SEMA4F: variants seen among roughly 807,000 people sequenced by gnomAD.
SEMA4F encodes ssemaphorin 4F.
SEMA4F carries 51 observed loss-of-function variants against 78.4 expected under a neutral mutation model. The ratio of observed to expected loss-of-function variants is 0.65; its 90% CI spans 0.52 to 0.82. The LOEUF (loss-of-function observed/expected upper bound fraction) is 0.82, where lower values mean the gene tolerates loss of function less well. SEMA4F is among the 40% of genes least tolerant of loss of function. The pLI is 0.00. For synonymous variants in SEMA4F, 418 were observed against 408.7 expected (o/e 1.02, Z -0.27); for missense variants, 938 against 1,014.4 (o/e 0.92, Z 1.02).
intron 1 of SEMA4F, among the ~76,000 whole-genome samples, chr2:74,655,067 C>A (rs192598568): frequency 6.6e-6 from 1 of 152,306 alleles, no homozygotes; most frequent in East Asian, 1.9e-4. Context: ...TATACATCAT[C>A]CGAGCCTCTT....
In SEMA4F at chr2:74,675,516, G is replaced by A; in HGVS notation, c.1373-9G>A. The stretch of plus-strand genomic sequence containing the variant: ...ATGTAATTATTCTTGTTCCTTTCCT[G>A]TCCCCTAGAGGATGGACACCTCCAC... On this transcript the variant is annotated splice_polypyrimidine_tract_variant and intron_variant, in intron 10 of 13. Coordinates refer to ENST00000357877, the MANE Select transcript of SEMA4F (RefSeq NM_004263.5). 1.9e-6 allele frequency: 3 copies of A among 1,612,698 alleles called. No homozygotes were observed. Among genetic ancestry groups the A allele is most frequent in the Non-Finnish European group, 2.5e-6 (3 of 1,178,672 alleles).
chr2:74,667,004 T>C (rs1284359096), intron 5 of SEMA4F, among the ~76,000 whole-genome samples: 1 of 152,174 alleles, frequency 6.6e-6, no homozygotes, highest in Non-Finnish European at 1.5e-5. Context: ...ATTTTGAGTG[T>C]TTTCTTCTAC....
the SEMA4F span, among the ~76,000 whole-genome samples, chr2:74,700,184 G>T: frequency 6.9e-4 from 105 of 152,216 alleles, no homozygotes; most frequent in African/African-American, 2.4e-3. Context: ...ATTCACAGAG[G>T]GGGAGGAAAG....
chr2:74,667,565 A>G (rs528070019), intron 5 of SEMA4F, among the ~76,000 whole-genome samples: 6 of 152,288 alleles, frequency 3.9e-5, no homozygotes, highest in South Asian at 2.1e-4. Flanking sequence ...TGGTACTTCT[A>G]TTTCTTTTGG....
intron 5 of SEMA4F, among the ~76,000 whole-genome samples, chr2:74,667,630 A>G (rs947329390): frequency 2.0e-5 from 3 of 152,258 alleles, no homozygotes; most frequent in African/African-American, 7.2e-5. Flanking sequence ...CTATACTTAG[A>G]TACAATTAAG....
chr2:74,676,032 G>T (rs1685264976), intron 12 of SEMA4F, 123 bp downstream of exon 12: 1 of 1,014,780 alleles, frequency 9.9e-7, no homozygotes, highest in East Asian at 2.6e-5. Context: ...GTCTGTTAGT[G>T]TCTACATCAC....
At chr2:74,694,608 G>A in the SEMA4F span, among the ~76,000 whole-genome samples, 1 of 152,138 alleles carries the variant, frequency 6.6e-6, no homozygotes, top group Non-Finnish European at 1.5e-5. Context: ...ACTGATGCGT[G>A]GTGACATGTC....
the SEMA4F span, among the ~76,000 whole-genome samples, chr2:74,694,055 G>T: frequency 6.6e-6 from 1 of 152,148 alleles, no homozygotes; most frequent in Non-Finnish European, 1.5e-5. Context: ...ATAGACTCAG[G>T]TAAACAGAGT....
chr2:74,678,723 A>G (rs1685420281), intron 12 of SEMA4F, among the ~76,000 whole-genome samples: 2 of 152,210 alleles, frequency 1.3e-5, no homozygotes. Flanking sequence ...TTCCGGCTGG[A>G]TGACCCCAGA....
chr2:74,701,582 G>T, the SEMA4F span, among the ~76,000 whole-genome samples: 1 of 152,086 alleles, frequency 6.6e-6, no homozygotes, highest in African/African-American at 2.4e-5. Flanking sequence ...GCCATGCTCC[G>T]TGAGTCCCTC....
rs1445925367 is a variant in SEMA4F at position 74,680,216 on chromosome 2, G to C, written c.*7G>C. 1 of 1,552,706 alleles carries C rather than the reference G, an allele frequency of 6.4e-7. No individual in the cohort carries two copies. The highest frequency in any genetic ancestry group is 2.3e-5 in the East Asian group (1 of 44,076). ...TGATGAAACATCCATCTAGAGCTGG[G>C]CAAATGACCACTAGTGTATAAGTGA... On this transcript the variant is annotated 3_prime_UTR_variant, in exon 14 of 14. Coordinates refer to ENST00000357877, the MANE Select transcript of SEMA4F (RefSeq NM_004263.5).
In SEMA4F at chr2:74,680,306, C is replaced by T; in HGVS notation, c.*97C>T. 7.2e-7 allele frequency: 1 copy of T among 1,385,310 alleles called. No individual in the cohort carries two copies. The highest frequency in any genetic ancestry group is 1.4e-5 in the South Asian group (1 of 69,276). 85.8% of individuals were successfully genotyped at this position (1,385,310 alleles called of 1,614,324 possible). Reference sequence around the variant, plus strand: ...TGGGCCTGGAAGACCATCCCAGCCTCTGAGTTCTCTTTGAGTATGAGTGAT... The same window carrying T: ...TGGGCCTGGAAGACCATCCCAGCCTTTGAGTTCTCTTTGAGTATGAGTGAT... On this transcript the variant is annotated 3_prime_UTR_variant, in exon 14 of 14. Coordinates refer to ENST00000357877, the MANE Select transcript of SEMA4F (RefSeq NM_004263.5).
the SEMA4F span, among the ~76,000 whole-genome samples, chr2:74,703,609 G>A: frequency 0.28 from 43,041 of 151,858 alleles, 8,997 homozygotes; most frequent in East Asian, 0.82. Flanking sequence ...GGGAGATACC[G>A]TAACGGGCAT....
the SEMA4F span, among the ~76,000 whole-genome samples, chr2:74,695,734 A>G: frequency 6.6e-6 from 1 of 152,368 alleles, no homozygotes; most frequent in South Asian, 2.1e-4. Flanking sequence ...AGAGAAGTAC[A>G]TGGCATGGAC....
chr2:74,654,332 A>G lies in SEMA4F; in HGVS notation c.-45A>G, dbSNP rs1291513435. 10 of 1,426,194 alleles carry G rather than the reference A, an allele frequency of 7.0e-6. No individual in the cohort carries two copies. The highest frequency in any genetic ancestry group is 9.1e-6 in the Non-Finnish European group (10 of 1,096,920). 88.3% of individuals were successfully genotyped at this position (1,426,194 alleles called of 1,614,324 possible). Reference sequence around the variant, plus strand: ...GGCCAGTAGCCCCGGGGCCCTGAGCAGAGGCCGTAGCTTGCGCCGCACCCG... The same window carrying G: ...GGCCAGTAGCCCCGGGGCCCTGAGCGGAGGCCGTAGCTTGCGCCGCACCCG... On this transcript the variant is annotated 5_prime_UTR_variant, in exon 1 of 14. Coordinates refer to ENST00000357877, the MANE Select transcript of SEMA4F (RefSeq NM_004263.5).
the SEMA4F span, among the ~76,000 whole-genome samples, chr2:74,706,982 A>G: frequency 5.3e-5 from 8 of 152,306 alleles, no homozygotes; most frequent in Admixed American, 2.0e-4. Flanking sequence ...GCTACCTGGA[A>G]GCAGAACAAG....
Position 74,674,530 on chromosome 2 carries a change from G to A in SEMA4F, c.855G>A (p.Gln285=), listed in dbSNP as rs1573256735. The A allele has an allele frequency of 1.1e-5, 17 of 1,614,092 alleles. No individual in the cohort carries two copies. Among genetic ancestry groups the A allele is most frequent in the Non-Finnish European group, 1.3e-5 (15 of 1,179,992 alleles). ...TCGGGGGCCGGAAGACCCTCCAGCA[G>A]AGATGGACGACGTTTTTGAAAGCTG... is the stretch of plus-strand genomic sequence containing the variant. The part of the protein sequence containing the change: ...GDLGGRKTLQ[Q]RWTTFLKADL... The change falls in exon 8 of 14, where the codon CAG becomes CAA. Residue 285 remains glutamine, a synonymous_variant. Coordinates refer to ENST00000357877, the MANE Select transcript of SEMA4F (RefSeq NM_004263.5).
the SEMA4F span, among the ~76,000 whole-genome samples, chr2:74,698,842 C>T: frequency 6.6e-6 from 1 of 152,190 alleles, no homozygotes; most frequent in Non-Finnish European, 1.5e-5. Flanking sequence ...AGGGTCAGGG[C>T]CCCCAACAGC....
intron 12 of SEMA4F, 78 bp from the exon 13 acceptor site, chr2:74,679,198 G>T: frequency 9.5e-7 from 1 of 1,055,426 alleles, no homozygotes; most frequent in South Asian, 1.3e-5. Flanking sequence ...TATATTGAAT[G>T]AGGGAGTCTT....
Sources: allele counts gnomAD v4.1 joint callset (sites outside exome capture counted in the v4.1 genomes callset), GRCh38; gene constraint gnomAD v4.1.1; transcripts MANE v1.5; gene names NCBI Gene and HGNC (gene_info 2026-07-23, HGNC 2026-07-21).